COQ8A: variants seen among roughly 807,000 people sequenced by gnomAD.
COQ8A encodes the protein atypical kinase COQ8A, mitochondrial.
COQ8A carries 51 observed loss-of-function variants against 65.0 expected under a neutral mutation model. The observed-to-expected ratio is 0.78, with a 90% CI of 0.63 to 0.99. The LOEUF is 0.99. Among genes scored for constraint, COQ8A ranks in the 50% least tolerant of loss-of-function variants. COQ8A has a pLI of 0.00. For synonymous variants in COQ8A, 371 were observed against 353.2 expected (o/e 1.05, Z -0.57); for missense variants, 940 against 875.0 (o/e 1.07, Z -0.94).
At position 226,966,629 on chromosome 1, in the gene COQ8A, A is replaced by C. The variant is rs144822468; in HGVS notation, c.655+892A>C. ...CAGGGCTGTAGGCAGCAGAGGTCTG[A>C]GTGGTCCATGATGGTGCTGGTGCTG... On this transcript the variant is annotated intron_variant, in intron 4 of 14. Transcript: ENST00000366777. Among the ~76,000 whole-genome samples, 917 of 152,218 alleles carry C rather than the reference A, an allele frequency of 6.0e-3. 10 individuals carry two copies. Among genetic ancestry groups the C allele is most frequent in the African/African-American group, 0.021 (860 of 41,520 alleles).
chr1:226,960,231 TTGG>T lies in COQ8A; in HGVS notation c.-9-1135_-9-1133del, dbSNP rs1178515698. Among the ~76,000 whole-genome samples, 152 of 118,740 alleles carry T rather than the reference TTGG, an allele frequency of 1.3e-3. 1 individual carries two copies. Among genetic ancestry groups the T allele is most frequent in the South Asian group, 6.0e-3 (21 of 3,508 alleles). 77.9% of individuals were successfully genotyped at this position (118,740 alleles called of 152,430 possible). ...GTGGTGGTGGTGGTGGTGATGGTACTTGGTGGTGGTGGTCCTTGGTGGTGGTGG... is the reference window on the plus strand; with the variant it reads ...GTGGTGGTGGTGGTGGTGATGGTACTTGGTGGTGGTCCTTGGTGGTGGTGG... On this transcript the variant is annotated intron_variant, in intron 1 of 14. Coordinates refer to ENST00000366777, the MANE Select transcript of COQ8A (RefSeq NM_020247.5).
chr1:226,984,480 G>A, intron 11 of COQ8A, 68 bp from the exon 12 acceptor site: 1 of 1,414,388 alleles, frequency 7.1e-7, no homozygotes, highest in South Asian at 1.1e-5. Context: ...GGGCTTCTCT[G>A]GCCCCAGTCT....
In COQ8A at chr1:226,977,478, C is replaced by T. The variant is rs778838121; in HGVS notation, c.685C>T (p.Leu229=). Residue 229 remains leucine (L), a synonymous_variant, in exon 5 of 15, where the codon CTG becomes TTG. Transcript: ENST00000366777. ...GLAVGLGFGA[L]AEVAKKSLRS... ...GGCCGTGGGCCTGGGCTTCGGGGCA[C>T]TGGCAGAGGTCGCCAAGAAGAGCCT... 2 of 1,567,700 alleles carry T rather than the reference C, an allele frequency of 1.3e-6. No homozygotes were observed. Among genetic ancestry groups the T allele is most frequent in the South Asian group, 1.2e-5 (1 of 85,188 alleles).
intron 2 of COQ8A, 26 bp from the exon 3 acceptor site, chr1:226,964,974 C>G: frequency 6.2e-7 from 1 of 1,613,148 alleles, no homozygotes. Context: ...TCTTGCTCTC[C>G]TAATGCTGGC....
At chr1:226,954,196 G>A (rs538482031) in intron 1 of COQ8A, among the ~76,000 whole-genome samples, 1 of 152,250 alleles carries the variant, frequency 6.6e-6, no homozygotes, top group Non-Finnish European at 1.5e-5. Flanking sequence ...CGGTCTCTAA[G>A]CTCATTCACT....
chr1:226,978,169 C>CT (rs1183914573), intron 5 of COQ8A, among the ~76,000 whole-genome samples: 1 of 150,660 alleles, frequency 6.6e-6, no homozygotes, highest in African/African-American at 2.4e-5. Context: ...ACCCACGCAC[C>CT]TTTTTACATC....
intron 4 of COQ8A, 128 bp downstream of exon 4, chr1:226,965,865 C>T (rs963726674): frequency 2.1e-6 from 2 of 966,862 alleles, no homozygotes; most frequent in South Asian, 1.4e-5. Flanking sequence ...GCGGTGGCCG[C>T]CCCTGCATGA....
rs112704948 is a variant in COQ8A, at chr1:226,985,081, C to T, written c.1572+140C>T. 3.5e-3 allele frequency: 4,644 copies of T among 1,319,914 alleles called. 120 individuals are homozygous for T. The Admixed American group carries it at 0.057, about 16-fold the overall frequency. 81.8% of individuals were successfully genotyped at this position (1,319,914 alleles called of 1,614,324 possible). ...GCTGCCTGCCCCTCAGGTCTGGTGA[C>T]AGCAGGCAGTTAGGCTGACAGCTGC... is the stretch of plus-strand genomic sequence containing the variant. On this transcript the variant is annotated intron_variant, in intron 13 of 14. Transcript: ENST00000366777.
chr1:226,967,212 G>A (rs923479925), intron 4 of COQ8A, among the ~76,000 whole-genome samples: 1 of 152,154 alleles, frequency 6.6e-6, no homozygotes, highest in Non-Finnish European at 1.5e-5. Context: ...TACTTGCTTT[G>A]CACATTGGCT....
At position 226,985,284 on chromosome 1, in the gene COQ8A, G is replaced by A. The variant is rs753768036; in HGVS notation, c.1603G>A (p.Glu535Lys). Residue 535 changes from glutamate (E) to lysine (K), a missense_variant, in exon 14 of 15, where the codon GAG becomes AAG. Glu to Lys is a moderately conservative substitution (Grantham distance 56). Coordinates refer to ENST00000366777, the MANE Select transcript of COQ8A (RefSeq NM_020247.5). ...IIRAAADRDR[E>K]TVRAKSIEMK... is the part of the protein sequence containing the mutation. ...CAGGGCTGCTGCCGACAGGGACAGGGAGACTGTGCGGGCGAAATCCATAGA... is the reference window on the plus strand; with the variant it reads ...CAGGGCTGCTGCCGACAGGGACAGGAAGACTGTGCGGGCGAAATCCATAGA... 6.2e-7 allele frequency: 1 copy of A among 1,613,854 alleles called. No homozygotes were observed. Among genetic ancestry groups the A allele is most frequent in the Admixed American group, 1.7e-5 (1 of 60,034 alleles).
At position 226,972,924 on chromosome 1, in the gene COQ8A, G is replaced by A. The variant is rs1485213856; in HGVS notation, c.656-4525G>A. Among the ~76,000 whole-genome samples the A allele has an allele frequency of 6.6e-6, 1 of 152,242 alleles. No homozygotes were observed. The highest frequency in any genetic ancestry group is 1.5e-5 in the Non-Finnish European group (1 of 68,038). ...AATGGAATAACTTAGTTTTGTGAAAGACTCACAGTATCACTTGGTTTCTGG... is the reference window on the plus strand; with the variant it reads ...AATGGAATAACTTAGTTTTGTGAAAAACTCACAGTATCACTTGGTTTCTGG... On this transcript the variant is annotated intron_variant, in intron 4 of 14. Transcript: ENST00000366777. The surrounding 1 kb of genome is among the most constrained non-coding windows in gnomAD (Gnocchi z 4.3).
rs563096946 is a variant in COQ8A at position 226,947,597 on chromosome 1, G to A, written c.-10+7198G>A. On this transcript the variant is annotated intron_variant, in intron 1 of 14. Transcript: ENST00000366777. ...CGAGGTGGGCAGATCACTTGAGGTC[G>A]GGGGTTCGAGACCAGCCTGAGCAAC... 6.2e-4 allele frequency among the ~76,000 whole-genome samples: 94 copies of A among 152,140 alleles called. 1 individual carries two copies. Among genetic ancestry groups the A allele is most frequent in the African/African-American group, 2.1e-3 (86 of 41,500 alleles).
intron 13 of COQ8A, 91 bp downstream of exon 13, chr1:226,985,032 T>C: frequency 6.6e-7 from 1 of 1,515,652 alleles, no homozygotes; most frequent in Non-Finnish European, 9.1e-7. Flanking sequence ...ATGACTGGGT[T>C]CCTGCCCTTG....
At chr1:226,948,391 TC>T (rs1572017822) in intron 1 of COQ8A, among the ~76,000 whole-genome samples, 1 of 152,086 alleles carries the variant, frequency 6.6e-6, no homozygotes, top group Admixed American at 6.5e-5. Flanking sequence ...ACCTGGATAA[TC>T]CCCCATCTCA....
rs915584044 is a variant in COQ8A at position 226,946,361 on chromosome 1, G to A, written c.-10+5962G>A. Among the ~76,000 whole-genome samples the A allele has an allele frequency of 4.6e-5, 7 of 152,214 alleles. No individual in the cohort carries two copies. The highest frequency in any genetic ancestry group is 7.3e-5 in the Non-Finnish European group (5 of 68,040). On this transcript the variant is annotated intron_variant, in intron 1 of 14. Transcript: ENST00000366777. This position sits in a 1 kb window ranked among gnomAD's most constrained non-coding sequence, Gnocchi z 5.3. ...GAAATGATATTCCATGGGGAGGAGG[G>A]AGCAGGATGTGGAAGCTGGAAAACC...
At chr1:226,957,733 C>G (rs2148036526) in intron 1 of COQ8A, among the ~76,000 whole-genome samples, 1 of 152,268 alleles carries the variant, frequency 6.6e-6, no homozygotes, top group East Asian at 1.9e-4. Flanking sequence ...ACTCATTTTC[C>G]TATTGATATA....
At chr1:226,953,434 T>C (rs1271703856) in intron 1 of COQ8A, among the ~76,000 whole-genome samples, 1 of 152,226 alleles carries the variant, frequency 6.6e-6, no homozygotes, top group Non-Finnish European at 1.5e-5. Flanking sequence ...TTGTAGTGAA[T>C]GTTCACATCT....
Position 226,965,658 on chromosome 1 carries a change from C to T in COQ8A, c.589-13C>T, listed in dbSNP as rs202175838. 3.0e-5 allele frequency: 49 copies of T among 1,613,950 alleles called. No individual in the cohort carries two copies. The South Asian group carries it at 4.1e-4, about 13-fold the overall frequency. On this transcript the variant is annotated splice_polypyrimidine_tract_variant and intron_variant, in intron 3 of 14. Transcript: ENST00000366777. Reference sequence around the variant, plus strand: ...TGGCTGATTCCACAGGTCTCTTTCTCGTCTCCCTCCAGCTCAGCGAGCATG... The same window carrying T: ...TGGCTGATTCCACAGGTCTCTTTCTTGTCTCCCTCCAGCTCAGCGAGCATG...
At chr1:226,965,539 T>G in intron 3 of COQ8A, 129 bp downstream of exon 3, 6 of 1,503,386 alleles carry the variant, frequency 4.0e-6, no homozygotes, top group Non-Finnish European at 5.5e-6. Flanking sequence ...TGGCCTTCTC[T>G]TGGTGGAGTG....
Sources: gnomAD v4.1 joint callset for allele counts (sites outside exome capture counted in the v4.1 genomes callset) on GRCh38, gnomAD v4.1.1 for gene constraint, Gnocchi (gnomAD v3.1) non-coding constraint, MANE v1.5 for transcripts, NCBI Gene and HGNC (gene_info 2026-07-23, HGNC 2026-07-21) for gene names.